The following LRP1B variants were observed in gnomAD, a reference collection of about 807,000 sequenced individuals.
The protein encoded by LRP1B is low-density lipoprotein receptor-related protein 1B.
In LRP1B, 217 loss-of-function variants were observed where a neutral mutation model predicts 556.6. The observed-to-expected ratio is 0.39, with a 90% CI of 0.35 to 0.44. The LOEUF is 0.44. Ranked by LOEUF, LRP1B falls within the 20% of genes least tolerant of loss-of-function variation. The probability of loss-of-function intolerance (pLI) is 1.00; values close to 1 mark genes in which losing one functional copy is unlikely to be tolerated. For synonymous variants in LRP1B, 2,047 were observed against 1,865.8 expected, an observed-to-expected ratio of 1.10 and a Z score of -2.50; for missense variants, 5,053 against 5,620.8, an observed-to-expected ratio of 0.90 and a Z score of 3.23.
chr2:140,505,032 T>A (rs1689347924), intron 53 of LRP1B, among the ~76,000 whole-genome samples: 1 of 152,336 alleles, frequency 6.6e-6, no homozygotes, highest in East Asian at 1.9e-4. Flanking sequence ...TTCAGCCTTT[T>A]TCAAATCTAA....
chr2:140,351,136 A>G, intron 76 of LRP1B, 98 bp from the exon 77 acceptor site: 1 of 831,554 alleles, frequency 1.2e-6, no homozygotes, highest in Non-Finnish European at 1.8e-6. Context: ...TATTATTCTT[A>G]ATACAGTTTT....
chr2:141,959,869 A>C (rs78974486), intron 1 of LRP1B, among the ~76,000 whole-genome samples: 5,644 of 151,994 alleles, frequency 0.037, 330 homozygotes, highest in African/African-American at 0.13. Flanking sequence ...GATGAGCAGA[A>C]CTCTGGAATC....
intron 1 of LRP1B, among the ~76,000 whole-genome samples, chr2:142,020,252 G>A (rs566785064): frequency 1.4e-4 from 21 of 152,206 alleles, no homozygotes; most frequent in African/African-American, 5.1e-4. Flanking sequence ...CATTTCACAT[G>A]GACCCTAAAG....
At chr2:141,112,687 G>A (rs1021433516) in intron 7 of LRP1B, among the ~76,000 whole-genome samples, 10 of 152,244 alleles carry the variant, frequency 6.6e-5, no homozygotes, top group African/African-American at 2.4e-4. Context: ...GTTGTGACCA[G>A]AAGCCTGCAA....
intron 83 of LRP1B, among the ~76,000 whole-genome samples, chr2:140,304,942 G>A (rs2105015436): frequency 6.6e-6 from 1 of 152,112 alleles, no homozygotes; most frequent in Non-Finnish European, 1.5e-5. Context: ...TTTTTGTCAG[G>A]TTTGTCAGAG....
intron 47 of LRP1B, among the ~76,000 whole-genome samples, chr2:140,526,781 C>T (rs937052743): frequency 1.3e-5 from 2 of 151,262 alleles, no homozygotes; most frequent in Admixed American, 1.3e-4. Context: ...TAGGCAAATG[C>T]CTGATTAAAT....
chr2:140,911,646 C>A (rs1414294069), intron 21 of LRP1B, among the ~76,000 whole-genome samples: 2 of 151,738 alleles, frequency 1.3e-5, no homozygotes, highest in African/African-American at 4.8e-5. Context: ...AAGATCAATG[C>A]ATAATATATC....
intron 1 of LRP1B, among the ~76,000 whole-genome samples, chr2:141,886,919 C>G (rs1171994438): frequency 1.3e-5 from 2 of 148,186 alleles, no homozygotes; most frequent in African/African-American, 4.9e-5. Context: ...TATTTATTTT[C>G]TGTGTGTGTG....
At chr2:141,524,382 G>A (rs934980067) in intron 2 of LRP1B, among the ~76,000 whole-genome samples, 7 of 151,842 alleles carry the variant, frequency 4.6e-5, no homozygotes, top group Admixed American at 3.3e-4. Flanking sequence ...ATGGAGTCTG[G>A]ATAGAGAGAA....
chr2:140,354,846 A>G (rs1682137396), intron 75 of LRP1B, among the ~76,000 whole-genome samples: 1 of 152,066 alleles, frequency 6.6e-6, no homozygotes. Flanking sequence ...CCCTTTAGAT[A>G]TTCTAATTGA....
chr2:140,756,246 A>C (rs1330365220), intron 35 of LRP1B, among the ~76,000 whole-genome samples: 2 of 152,094 alleles, frequency 1.3e-5, no homozygotes, highest in Non-Finnish European at 2.9e-5. Context: ...TGTTAAGATC[A>C]CAATAATCCT....
chr2:140,597,109 G>A (rs1036548999), intron 43 of LRP1B, among the ~76,000 whole-genome samples: 1 of 152,026 alleles, frequency 6.6e-6, no homozygotes, highest in Non-Finnish European at 1.5e-5. Context: ...TTCATATGAG[G>A]ATAAAGATGA....
intron 3 of LRP1B, among the ~76,000 whole-genome samples, chr2:141,403,526 T>C (rs543403444): frequency 6.6e-6 from 1 of 152,248 alleles, no homozygotes; most frequent in East Asian, 1.9e-4. Context: ...GCTTTATTCA[T>C]ATGTAGATGG....
rs569082050 is a variant in LRP1B at position 140,989,566 on chromosome 2, C to G, written c.2736G>C (p.Gly912=). ...TTTGATTGGATTCATCTTCATTGCT[C>G]CCACAGTCATTAGCTCCATCACAAA... ...RWLCDGANDC[G]SNEDESNQTC... The change falls in exon 17 of 91, where the codon GGG becomes GGC. Residue 912 remains glycine (G), a synonymous_variant. Transcript: ENST00000389484. 6.2e-7 allele frequency: 1 copy of G among 1,613,258 alleles called. No homozygotes were observed. The highest frequency in any genetic ancestry group is 1.1e-5 in the South Asian group (1 of 91,062).
At chr2:141,819,268 C>CA (rs1326871674) in intron 1 of LRP1B, among the ~76,000 whole-genome samples, 2 of 151,142 alleles carry the variant, frequency 1.3e-5, no homozygotes, top group Admixed American at 1.3e-4. Flanking sequence ...AAAAAAAAAA[C>CA]AAAAAACTTT....
chr2:140,806,430 A>T (rs1159117949), intron 32 of LRP1B, among the ~76,000 whole-genome samples: 3 of 152,194 alleles, frequency 2.0e-5, no homozygotes, highest in African/African-American at 7.2e-5. Context: ...AACAAAAAGC[A>T]TATACGGAAT....
Position 142,130,829 on chromosome 2 carries a change from G to A in LRP1B, c.-100C>T. On this transcript the variant is annotated 5_prime_UTR_variant, in exon 1 of 91. Transcript: ENST00000389484. ...CAGGGGCCGCTTGGAGCCTGGAATC[G>A]AGCGGCGTCATTTACAAATGTCACT... The A allele has an allele frequency of 1.1e-6, 1 of 892,692 alleles. No homozygotes were observed. 55.3% of individuals were successfully genotyped at this position (892,692 alleles called of 1,614,324 possible).
intron 3 of LRP1B, among the ~76,000 whole-genome samples, chr2:141,460,531 G>T (rs967266171): frequency 2.5e-4 from 38 of 151,998 alleles, no homozygotes; most frequent in African/African-American, 9.2e-4. Flanking sequence ...GCAGCCCATG[G>T]GTAAGTTTTA....
intron 1 of LRP1B, among the ~76,000 whole-genome samples, chr2:141,960,639 A>G (rs1008045943): frequency 2.0e-5 from 3 of 151,924 alleles, no homozygotes; most frequent in African/African-American, 7.2e-5. Flanking sequence ...GAAATGTTTA[A>G]TTTCCCAATC....
Sources: allele counts gnomAD v4.1 joint callset (sites outside exome capture counted in the v4.1 genomes callset), GRCh38; gene constraint gnomAD v4.1.1; transcripts MANE v1.5; gene names NCBI Gene and HGNC (gene_info 2026-07-23, HGNC 2026-07-21).